KIF13A: variants seen among roughly 807,000 people sequenced by gnomAD.
KIF13A encodes the protein kinesin family member 13A.
Under a neutral mutation model 212.2 loss-of-function variants are expected in KIF13A, and 79 were observed. The ratio of observed to expected loss-of-function variants is 0.37; its 90% confidence interval spans 0.31 to 0.45. The LOEUF is 0.45. KIF13A is among the 20% of genes least tolerant of loss of function. The pLI, the probability that KIF13A is intolerant of heterozygous loss-of-function variation, is 1.00. For synonymous variants in KIF13A, 789 were observed against 808.6 expected, an observed-to-expected ratio of 0.98 and a Z score of 0.41; for missense variants, 1,901 against 2,209.0, an observed-to-expected ratio of 0.86 and a Z score of 2.79.
In KIF13A at chr6:17,900,852, G is replaced by A. The variant is rs1581678513; in HGVS notation, c.147-2672C>T. Among the ~76,000 whole-genome samples, 1 of 152,098 alleles carries A rather than the reference G, an allele frequency of 6.6e-6. No individual in the cohort carries two copies. Among genetic ancestry groups the A allele is most frequent in the East Asian group, 1.9e-4 (1 of 5,186 alleles). The stretch of plus-strand genomic sequence containing the variant: ...CCAGCACTTTGGGAGGCTGAGGCAG[G>A]CGGATCACAAGTTCAGGGGATCGAG... On this transcript the variant is annotated intron_variant, in intron 2 of 38. Transcript: ENST00000259711. The surrounding 1 kb of genome is among the most constrained non-coding windows in gnomAD (Gnocchi z 4.6).
intron 12 of KIF13A, among the ~76,000 whole-genome samples, chr6:17,833,497 C>CA (rs59654452): frequency 0.011 from 1,115 of 97,782 alleles, 13 homozygotes; most frequent in Middle Eastern, 0.034. Context: ...ACCTTGTCTT[C>CA]AAAAAAAAAA....
At chr6:17,927,438 A>G (rs1420822239) in intron 2 of KIF13A, among the ~76,000 whole-genome samples, 3 of 152,200 alleles carry the variant, frequency 2.0e-5, no homozygotes, top group Non-Finnish European at 2.9e-5. Context: ...TTCTACTTAC[A>G]TGAGGTACCC....
chr6:17,779,305 C>T (rs1166750484), intron 32 of KIF13A, among the ~76,000 whole-genome samples: 3 of 124,932 alleles, frequency 2.4e-5, no homozygotes, highest in Non-Finnish European at 5.0e-5. Flanking sequence ...GAGTTTCGCT[C>T]TTGTTGCCCA....
intron 3 of KIF13A, among the ~76,000 whole-genome samples, chr6:17,879,040 C>T (rs959044738): frequency 6.6e-6 from 1 of 152,170 alleles, no homozygotes; most frequent in East Asian, 1.9e-4. Context: ...AAGCTGAAGT[C>T]CAGAAATCTA....
chr6:17,832,658 A>G (rs1765552895), intron 12 of KIF13A, among the ~76,000 whole-genome samples: 1 of 151,356 alleles, frequency 6.6e-6, no homozygotes, highest in Admixed American at 6.6e-5. Flanking sequence ...TAAATAAATA[A>G]AAATAAAATA....
chr6:17,813,255 G>A (rs534227882), intron 17 of KIF13A, among the ~76,000 whole-genome samples: 1 of 152,224 alleles, frequency 6.6e-6, no homozygotes, highest in South Asian at 2.1e-4. Context: ...TGAGGCGGGC[G>A]GATCACCTGA....
At chr6:17,857,113 T>C (rs960446125) in intron 4 of KIF13A, among the ~76,000 whole-genome samples, 1 of 151,060 alleles carries the variant, frequency 6.6e-6, no homozygotes, top group South Asian at 2.1e-4. Flanking sequence ...TAACACAACA[T>C]GAGCTTTTGG....
At chr6:17,784,482 C>A (rs1420515457) in intron 28 of KIF13A, among the ~76,000 whole-genome samples, 1 of 152,024 alleles carries the variant, frequency 6.6e-6, no homozygotes, top group Non-Finnish European at 1.5e-5. Flanking sequence ...GCCTCAGAGG[C>A]CTCTTAAAGT....
chr6:17,769,868 GC>G lies in KIF13A; in HGVS notation c.4581+1245del, dbSNP rs1206769096. On this transcript the variant is annotated intron_variant, in intron 38 of 38. Transcript: ENST00000259711. The surrounding 1 kb of genome is among the most constrained non-coding windows in gnomAD (Gnocchi z 5.8). Reference sequence around the variant, plus strand: ...TAAGATTTGGAGAGATGAAGGAGCAGCTATTAATGTGCGGATTCTTCTCCAT... The same window carrying G: ...TAAGATTTGGAGAGATGAAGGAGCAGTATTAATGTGCGGATTCTTCTCCAT... Among the ~76,000 whole-genome samples, 4 of 152,300 alleles carry G rather than the reference GC, an allele frequency of 2.6e-5. No individual in the cohort carries two copies. The highest frequency in any genetic ancestry group is 9.6e-5 in the African/African-American group (4 of 41,576).
At chr6:17,928,875 A>G (rs981441839) in intron 2 of KIF13A, among the ~76,000 whole-genome samples, 1 of 152,094 alleles carries the variant, frequency 6.6e-6, no homozygotes. Flanking sequence ...ACCTGAACTT[A>G]GAAAGAAAGA....
At chr6:17,874,282 T>C (rs1310038198) in intron 3 of KIF13A, among the ~76,000 whole-genome samples, 1 of 59,038 alleles carries the variant, frequency 1.7e-5, no homozygotes, top group Non-Finnish European at 3.6e-5. Context: ...TTTTTGTTTT[T>C]GTTTTTTGGT....
At chr6:17,847,790 A>G (rs887698975) in intron 9 of KIF13A, among the ~76,000 whole-genome samples, 1 of 152,090 alleles carries the variant, frequency 6.6e-6, no homozygotes, top group South Asian at 2.1e-4. Flanking sequence ...ATCCCTAACA[A>G]ATCGGTGAAG....
At chr6:17,788,871 C>T (rs774640059) in intron 26 of KIF13A, among the ~76,000 whole-genome samples, 1 of 152,042 alleles carries the variant, frequency 6.6e-6, no homozygotes, top group East Asian at 1.9e-4. Flanking sequence ...ATTATAGGCG[C>T]GCGCCACCAC....
downstream of KIF13A, chr6:17,761,000 C>T: frequency 2.2e-6 from 2 of 915,244 alleles, no homozygotes; most frequent in Non-Finnish European, 3.4e-6. Flanking sequence ...AAGGGACCCA[C>T]AGGATTGGTT....
At position 17,828,436 on chromosome 6, in the gene KIF13A, A is replaced by T; in HGVS notation, c.1402-66T>A. 1 of 1,381,388 alleles carries T rather than the reference A, an allele frequency of 7.2e-7. No individual in the cohort carries two copies. Among genetic ancestry groups the T allele is most frequent in the East Asian group, 2.3e-5 (1 of 42,850 alleles). The allele number at this position is 1,381,388 out of a possible 1,614,324, so 85.6% of individuals were successfully genotyped here. ...GAGTAACTCAGCAAAAATGTATCACAATCAATTTGAATAACGCAGCAGCAT... is the reference window on the plus strand; with the variant it reads ...GAGTAACTCAGCAAAAATGTATCACTATCAATTTGAATAACGCAGCAGCAT... On this transcript the variant is annotated intron_variant, in intron 13 of 38. Transcript: ENST00000259711. This position sits in a 1 kb window ranked among gnomAD's most constrained non-coding sequence, Gnocchi z 4.3.
intron 2 of KIF13A, among the ~76,000 whole-genome samples, chr6:17,908,772 A>G (rs1025664136): frequency 6.6e-6 from 1 of 152,182 alleles, no homozygotes; most frequent in African/African-American, 2.4e-5. Context: ...TTTGTACTGA[A>G]GCAGACAGAC....
At chr6:17,904,599 A>G (rs1250609349) in intron 2 of KIF13A, among the ~76,000 whole-genome samples, 1 of 152,050 alleles carries the variant, frequency 6.6e-6, no homozygotes, top group Non-Finnish European at 1.5e-5. Flanking sequence ...AAGGAGGACT[A>G]AAATAAAGGA....
rs73723281 is a variant in KIF13A at position 17,923,657 on chromosome 6, C to T, written c.147-25477G>A. Among the ~76,000 whole-genome samples the T allele has an allele frequency of 5.0e-3, 763 of 152,168 alleles. 3 individuals are homozygous for T. Among genetic ancestry groups the T allele is most frequent in the African/African-American group, 0.018 (736 of 41,518 alleles). ...AAGAAACATACATTTTCAAATGACA[C>T]TTAAGATAAATGAGAAGGGCCAGTA... On this transcript the variant is annotated intron_variant, in intron 2 of 38. Transcript: ENST00000259711.
chr6:17,933,289 G>A (rs1776165443), intron 2 of KIF13A, among the ~76,000 whole-genome samples: 1 of 152,002 alleles, frequency 6.6e-6, no homozygotes, highest in African/African-American at 2.4e-5. Flanking sequence ...CATACCAACT[G>A]CATCTTTCTT....
Sources: allele counts gnomAD v4.1 joint callset (sites outside exome capture counted in the v4.1 genomes callset), GRCh38; gene constraint gnomAD v4.1.1; non-coding constraint Gnocchi (gnomAD v3.1); transcripts MANE v1.5; gene names NCBI Gene and HGNC (gene_info 2026-07-23, HGNC 2026-07-21).